Variants in ZNF536 observed in about 807,000 individuals in gnomAD.
ZNF536 encodes zinc finger protein 536.
A neutral mutation model predicts 84.5 loss-of-function variants in ZNF536; 13 were observed. That is an observed-to-expected ratio of 0.15 (90% CI 0.10 to 0.24). The LOEUF is 0.24. Ranked by LOEUF, ZNF536 falls within the 10% of genes least tolerant of loss-of-function variation. The pLI is 1.00. For missense variants in ZNF536, 1,536 were observed against 1,747.5 expected, an observed-to-expected ratio of 0.88 and a Z score of 2.16; for synonymous variants, 811 against 742.5, an observed-to-expected ratio of 1.09 and a Z score of -1.50.
chr19:30,353,986 C>T (rs1227810234), intron 3 of ZNF536, among the ~76,000 whole-genome samples: 1 of 152,158 alleles, frequency 6.6e-6, no homozygotes, highest in African/African-American at 2.4e-5. Flanking sequence ...ACTCTGCTTG[C>T]CTCCCGAGAT....
At chr19:30,688,901 C>A (rs964055968) in intron 1 of ZNF536, among the ~76,000 whole-genome samples, 17 of 152,206 alleles carry the variant, frequency 1.1e-4, no homozygotes, top group African/African-American at 4.1e-4. Context: ...GTTTCACCTC[C>A]TGGGGACTGG....
At chr19:30,330,736 A>G (rs960443081) in intron 2 of ZNF536, among the ~76,000 whole-genome samples, 2 of 152,144 alleles carry the variant, frequency 1.3e-5, no homozygotes, top group African/African-American at 4.8e-5. Flanking sequence ...AAAGGAATGG[A>G]AGCAGGTGGC....
intron 2 of ZNF536, among the ~76,000 whole-genome samples, chr19:30,523,923 T>C (rs1339495000): frequency 6.6e-6 from 1 of 152,214 alleles, no homozygotes; most frequent in Non-Finnish European, 1.5e-5. Context: ...AGAACGTATT[T>C]GTGAGTCTGT....
intron 3 of ZNF536, among the ~76,000 whole-genome samples, chr19:30,547,580 A>G (rs1050534880): frequency 6.6e-6 from 1 of 152,184 alleles, no homozygotes; most frequent in Non-Finnish European, 1.5e-5. Flanking sequence ...TATTGCAACC[A>G]CCCATTTGTT....
chr19:30,700,976 G>A (rs1244916441), intron 1 of ZNF536, among the ~76,000 whole-genome samples: 2 of 152,116 alleles, frequency 1.3e-5, no homozygotes, highest in Non-Finnish European at 2.9e-5. Flanking sequence ...CCTGTGTGTG[G>A]GAACTGATGC....
intron 1 of ZNF536, among the ~76,000 whole-genome samples, chr19:30,281,606 G>C (rs2045447111): frequency 6.6e-6 from 1 of 152,218 alleles, no homozygotes; most frequent in Non-Finnish European, 1.5e-5. Flanking sequence ...AAGCCACTGA[G>C]TGAACAGGCC....
At chr19:30,278,846 C>T (rs548075010) in intron 1 of ZNF536, among the ~76,000 whole-genome samples, 2 of 152,318 alleles carry the variant, frequency 1.3e-5, no homozygotes, top group South Asian at 4.1e-4. Context: ...CTCTTGTCTG[C>T]TCCTTTCGTA....
At chr19:30,691,956 G>A (rs929014141) in intron 1 of ZNF536, among the ~76,000 whole-genome samples, 1 of 152,168 alleles carries the variant, frequency 6.6e-6, no homozygotes, top group Non-Finnish European at 1.5e-5. Flanking sequence ...GCCTCTGCCC[G>A]GGCCTCCACC....
At chr19:30,297,382 A>G (rs1055807552) in intron 2 of ZNF536, among the ~76,000 whole-genome samples, 15 of 152,174 alleles carry the variant, frequency 9.9e-5, no homozygotes, top group Non-Finnish European at 2.2e-4. Context: ...TGCTTTTTTT[A>G]ATGGCCCACG....
At chr19:30,350,563 CT>C (rs537093215) in intron 2 of ZNF536, among the ~76,000 whole-genome samples, 121 of 152,288 alleles carry the variant, frequency 7.9e-4, no homozygotes, top group Admixed American at 3.7e-3. Flanking sequence ...TTATCTGCTT[CT>C]TTTTTCTATT....
chr19:30,510,183 C>T (rs375298721), intron 2 of ZNF536, among the ~76,000 whole-genome samples: 4 of 152,274 alleles, frequency 2.6e-5, no homozygotes, highest in African/African-American at 9.6e-5. Context: ...TTTCCGATTA[C>T]TAACTATGCA....
chr19:30,697,136 G>T (rs1049003405), intron 1 of ZNF536, among the ~76,000 whole-genome samples: 5 of 152,198 alleles, frequency 3.3e-5, no homozygotes, highest in Non-Finnish European at 7.3e-5. Context: ...GAGAGAGAGA[G>T]CAAGTGGGAA....
intron 1 of ZNF536, among the ~76,000 whole-genome samples, chr19:30,426,523 G>T (rs2051221092): frequency 6.6e-6 from 1 of 152,186 alleles, no homozygotes; most frequent in Admixed American, 6.5e-5. Flanking sequence ...GAAGGTCCTT[G>T]GTCCTGAGTG....
intron 2 of ZNF536, among the ~76,000 whole-genome samples, chr19:30,343,561 G>A (rs1426866116): frequency 1.3e-5 from 2 of 152,148 alleles, no homozygotes; most frequent in Non-Finnish European, 2.9e-5. Flanking sequence ...GTGTTCCAGG[G>A]CTACTAACTG....
rs2148193012 is a variant in ZNF536, at chr19:30,444,665, A to G, written c.1103A>G (p.Lys368Arg). 1 of 1,613,952 alleles carries G rather than the reference A, an allele frequency of 6.2e-7. No individual in the cohort carries two copies. Among genetic ancestry groups the G allele is most frequent in the Non-Finnish European group, 8.5e-7 (1 of 1,180,040 alleles). The change falls in exon 2 of 5, where the codon AAA becomes AGA. Residue 368 changes from lysine (K) to arginine (R), a missense_variant. Physicochemically the swap from Lys to Arg is conservative, Grantham distance 26. This residue lies in a region of ZNF536 where 25 missense variants were observed against 78.9 expected (regional missense o/e 0.32). Coordinates refer to ENST00000355537, the MANE Select transcript of ZNF536 (RefSeq NM_014717.3). ...CTCAAGGGTCACATGCGCAAGCACAAAGACTCCTTTGAGCACTGCTGCCAG... is the reference window on the plus strand; with the variant it reads ...CTCAAGGGTCACATGCGCAAGCACAGAGACTCCTTTGAGCACTGCTGCCAG... The part of the protein sequence containing the change: ...WFLKGHMRKH[K>R]DSFEHCCQIC...
At chr19:30,279,283 T>G (rs1416538515) in intron 1 of ZNF536, among the ~76,000 whole-genome samples, 3 of 152,234 alleles carry the variant, frequency 2.0e-5, no homozygotes, top group African/African-American at 7.2e-5. Context: ...ATGAGCTCCA[T>G]GCAGGTGGAC....
chr19:30,460,686 T>A (rs2053093069), intron 2 of ZNF536, among the ~76,000 whole-genome samples: 1 of 152,114 alleles, frequency 6.6e-6, no homozygotes, highest in African/African-American at 2.4e-5. Flanking sequence ...TGTGCAGGAC[T>A]GTGTCCCTCA....
At chr19:30,232,123 G>C (rs1205788019) in intron 1 of ZNF536, among the ~76,000 whole-genome samples, 1 of 152,064 alleles carries the variant, frequency 6.6e-6, no homozygotes, top group Non-Finnish European at 1.5e-5. Flanking sequence ...GGGCTGTGCG[G>C]GAAGCCATCT....
At chr19:30,276,525 C>T (rs1217597986) in intron 1 of ZNF536, among the ~76,000 whole-genome samples, 2 of 152,122 alleles carry the variant, frequency 1.3e-5, no homozygotes, top group African/African-American at 4.8e-5. Flanking sequence ...CACACATACT[C>T]AGCTTTTTAG....
Sources: allele counts gnomAD v4.1 joint callset (sites outside exome capture counted in the v4.1 genomes callset), GRCh38; gene constraint gnomAD v4.1.1; regional missense constraint gnomAD v4.1.1; transcripts MANE v1.5; gene names NCBI Gene and HGNC (gene_info 2026-07-23, HGNC 2026-07-21).